The following PRKN variants were observed in gnomAD, a reference collection of about 807,000 sequenced individuals.
PRKN encodes parkin RBR E3 ubiquitin protein ligase, also known as E3 ubiquitin-protein ligase parkin.
A neutral mutation model predicts 59.5 loss-of-function variants in PRKN; 56 were observed. The observed-to-expected ratio is 0.94, with a 90% CI of 0.76 to 1.18. The LOEUF (loss-of-function observed/expected upper bound fraction) is 1.18, where lower values mean the gene tolerates loss of function less well. Ranked by LOEUF, PRKN falls within the 50% of genes most tolerant of loss-of-function variation. PRKN has a pLI of 0.00. For synonymous variants in PRKN, 250 were observed against 222.1 expected (o/e 1.13, Z -1.12); for missense variants, 657 against 596.4 (o/e 1.10, Z -1.06).
chr6:162,432,148 T>C (rs1789562856), intron 2 of PRKN, among the ~76,000 whole-genome samples: 4 of 152,168 alleles, frequency 2.6e-5, no homozygotes, highest in Admixed American at 2.0e-4. Context: ...AACAATGCCA[T>C]TGAGTTGAAG....
intron 9 of PRKN, among the ~76,000 whole-genome samples, chr6:161,412,862 CCTCACTCATTCCTCCA>C (rs1214906729): frequency 6.6e-6 from 1 of 151,602 alleles, no homozygotes; most frequent in African/African-American, 2.4e-5. Flanking sequence ...CTCATTCTTT[CCTCACTCATTCCTCCA>C]CTCACTCATT....
chr6:161,632,913 T>C (rs1254756529), intron 7 of PRKN, among the ~76,000 whole-genome samples: 1 of 152,144 alleles, frequency 6.6e-6, no homozygotes, highest in Non-Finnish European at 1.5e-5. Context: ...GTCCCTCCCA[T>C]GACACATGGG....
In PRKN at chr6:161,895,521, C is replaced by CTTTTTCA. The variant is rs1562371947; in HGVS notation, c.734+77780_734+77781insTGAAAAA. Among the ~76,000 whole-genome samples the CTTTTTCA allele has an allele frequency of 1.5e-4, 15 of 96,972 alleles. 3 individuals carry two copies. The highest frequency in any genetic ancestry group is 8.1e-4 in the South Asian group (2 of 2,474). The allele number at this position is 96,972 out of a possible 152,430, so 63.6% of individuals were successfully genotyped here. A position where few individuals can be genotyped will look rare whatever the true frequency, so the allele number is the denominator to read the frequency against. On this transcript the variant is annotated intron_variant, in intron 6 of 11. Coordinates refer to ENST00000366898, the MANE Select transcript of PRKN (RefSeq NM_004562.3). ...ACGCCCACCCCACCTGCCGTTATGC[C>CTTTTTCA]CCCCAGTGAGGCTTCTGAGATTCAG...
chr6:161,908,457 G>A (rs2128236515), intron 6 of PRKN, among the ~76,000 whole-genome samples: 1 of 152,296 alleles, frequency 6.6e-6, no homozygotes, highest in South Asian at 2.1e-4. Context: ...CATATCGACT[G>A]TATTCTGGAT....
chr6:161,690,219 C>A (rs1003917319), intron 7 of PRKN, among the ~76,000 whole-genome samples: 1 of 152,278 alleles, frequency 6.6e-6, no homozygotes, highest in African/African-American at 2.4e-5. Context: ...ACTGTCTTGT[C>A]TTTGCCTTTC....
At chr6:162,722,123 C>T (rs916793731) in intron 1 of PRKN, among the ~76,000 whole-genome samples, 3 of 152,132 alleles carry the variant, frequency 2.0e-5, no homozygotes, top group East Asian at 3.9e-4. Flanking sequence ...TATGTACCTT[C>T]CCCACAGGCA....
chr6:161,596,093 T>C (rs1347695330), intron 7 of PRKN, among the ~76,000 whole-genome samples: 4 of 152,162 alleles, frequency 2.6e-5, no homozygotes, highest in African/African-American at 9.7e-5. Context: ...ACTGACAGCG[T>C]GGAGCTGCCA....
At position 161,461,005 on chromosome 6, in the gene PRKN, C is replaced by T. The variant is rs763544738; in HGVS notation, c.1084-74128G>A. Reference sequence around the variant, plus strand: ...ATCACCTGACCTCATGATCTGCCTGCCTTGGCTTCCCAAAGTACTGGGACT... The same window carrying T: ...ATCACCTGACCTCATGATCTGCCTGTCTTGGCTTCCCAAAGTACTGGGACT... On this transcript the variant is annotated intron_variant, in intron 9 of 11. Transcript: ENST00000366898. This position sits in a 1 kb window ranked among gnomAD's most constrained non-coding sequence, Gnocchi z 5.1. 5.3e-5 allele frequency among the ~76,000 whole-genome samples: 8 copies of T among 152,006 alleles called. No homozygotes were observed. Among genetic ancestry groups the T allele is most frequent in the Non-Finnish European group, 8.8e-5 (6 of 68,008 alleles).
chr6:162,534,744 C>A (rs1260257472), intron 1 of PRKN, among the ~76,000 whole-genome samples: 1 of 152,112 alleles, frequency 6.6e-6, no homozygotes, highest in Non-Finnish European at 1.5e-5. Context: ...CAGATCTGCC[C>A]CTCCAGCTGC....
At chr6:161,616,323 A>G (rs1421448791) in intron 7 of PRKN, among the ~76,000 whole-genome samples, 2 of 152,036 alleles carry the variant, frequency 1.3e-5, no homozygotes, top group South Asian at 2.1e-4. Flanking sequence ...TTAAACTTTA[A>G]ACCACTATTA....
intron 5 of PRKN, among the ~76,000 whole-genome samples, chr6:162,004,640 T>C (rs1260904001): frequency 6.6e-6 from 1 of 152,182 alleles, no homozygotes; most frequent in African/African-American, 2.4e-5. Flanking sequence ...TTTCTGAAGA[T>C]GTCTGTTGCA....
intron 9 of PRKN, among the ~76,000 whole-genome samples, chr6:161,450,346 C>T (rs562242042): frequency 2.6e-5 from 4 of 152,346 alleles, no homozygotes; most frequent in South Asian, 2.1e-4. Context: ...GGTAAGAACA[C>T]ATCCCATGTT....
At chr6:162,230,665 T>C (rs74558406) in intron 3 of PRKN, among the ~76,000 whole-genome samples, 2 of 152,116 alleles carry the variant, frequency 1.3e-5, no homozygotes, top group Admixed American at 6.5e-5. Flanking sequence ...CTGTGAACAA[T>C]AGAGGAGGGT....
intron 9 of PRKN, among the ~76,000 whole-genome samples, chr6:161,531,530 G>A (rs1282467402): frequency 6.6e-6 from 1 of 152,192 alleles, no homozygotes; most frequent in Admixed American, 6.5e-5. Flanking sequence ...GTGTCCCAAG[G>A]TAGGTGGCCC....
At chr6:162,727,545 T>G in intron 1 of PRKN, 117 bp downstream of exon 1, 1 of 1,177,630 alleles carries the variant, frequency 8.5e-7, no homozygotes, top group Non-Finnish European at 1.2e-6. Flanking sequence ...GCACGGGCAC[T>G]TTGGCCCCGT....
intron 7 of PRKN, among the ~76,000 whole-genome samples, chr6:161,738,780 A>G (rs1487269377): frequency 1.3e-5 from 2 of 152,204 alleles, no homozygotes; most frequent in Non-Finnish European, 2.9e-5. Flanking sequence ...GCAACCACCT[A>G]CTTAAATCAG....
At chr6:162,153,778 G>A (rs1261238135) in intron 4 of PRKN, among the ~76,000 whole-genome samples, 14 of 152,088 alleles carry the variant, frequency 9.2e-5, no homozygotes, top group Admixed American at 5.2e-4. Flanking sequence ...GCCTCTCTAT[G>A]ACATTCAGCA....
intron 1 of PRKN, among the ~76,000 whole-genome samples, chr6:162,695,791 A>T (rs937755943): frequency 1.4e-4 from 22 of 152,228 alleles, no homozygotes; most frequent in African/African-American, 5.3e-4. Context: ...CAAGTATATA[A>T]CTTAAAGAAT....
intron 10 of PRKN, among the ~76,000 whole-genome samples, chr6:161,366,791 C>T (rs1317735970): frequency 6.6e-6 from 1 of 152,040 alleles, no homozygotes; most frequent in Non-Finnish European, 1.5e-5. Context: ...ACCTGACTTC[C>T]GATTTCTGTC....
Sources: allele counts gnomAD v4.1 joint callset (sites outside exome capture counted in the v4.1 genomes callset), GRCh38; gene constraint gnomAD v4.1.1; non-coding constraint Gnocchi (gnomAD v3.1); transcripts MANE v1.5; gene names NCBI Gene and HGNC (gene_info 2026-07-23, HGNC 2026-07-21).